The following AIM2 variants were observed in gnomAD, a reference collection of about 807,000 sequenced individuals.
The protein encoded by AIM2 is interferon-inducible protein AIM2.
A neutral mutation model predicts 27.7 loss-of-function variants in AIM2; 30 were observed. The observed-to-expected ratio is 1.08, with a 90% CI of 0.81 to 1.47. The LOEUF (loss-of-function observed/expected upper bound fraction) is 1.47, where lower values mean the gene tolerates loss of function less well. Ranked by LOEUF, AIM2 falls within the 40% of genes most tolerant of loss-of-function variation. The pLI, the probability that AIM2 is intolerant of heterozygous loss-of-function variation, is 0.00. For synonymous variants in AIM2, 141 were observed against 145.3 expected (o/e 0.97, Z 0.21); for missense variants, 358 against 411.3 (o/e 0.87, Z 1.12).
downstream of AIM2, among the ~76,000 whole-genome samples, chr1:159,058,048 A>G (rs552567076): frequency 6.6e-6 from 1 of 152,248 alleles, no homozygotes; most frequent in Admixed American, 6.5e-5. Context: ...GAGTTCTTGG[A>G]CCTGTTAGAA....
chr1:159,128,696 C>T (rs1301957637), intron 1 of AIM2, among the ~76,000 whole-genome samples: 1 of 152,066 alleles, frequency 6.6e-6, no homozygotes, highest in Non-Finnish European at 1.5e-5. Context: ...TGTTTGCACC[C>T]GGGCTGCTAA....
In AIM2 at chr1:159,089,505, C is replaced by G. The variant is rs572621147; in HGVS notation, c.-15-23176G>C. ...GCATGTCACTTGCTTAAAGAAGCCCCTGTGTTGGATTGTTTGTTCAACCCC... is the reference window on the plus strand; with the variant it reads ...GCATGTCACTTGCTTAAAGAAGCCCGTGTGTTGGATTGTTTGTTCAACCCC... On this transcript the variant is annotated intron_variant, in intron 1 of 2. Transcript: ENST00000368129. Among the ~76,000 whole-genome samples, 100 of 152,324 alleles carry G rather than the reference C, an allele frequency of 6.6e-4. 1 individual carries two copies. The highest frequency in any genetic ancestry group is 2.4e-3 in the African/African-American group (99 of 41,572).
rs1485873818 is a variant in AIM2 at position 159,066,278 on chromosome 1, G to C, written c.448C>G (p.Gln150Glu). 3.7e-6 allele frequency: 6 copies of C among 1,614,128 alleles called. No individual in the cohort carries two copies. Among genetic ancestry groups the C allele is most frequent in the Non-Finnish European group, 5.1e-6 (6 of 1,180,022 alleles). ...ACCATAACTGGCAAACAGCGCTTCT[G>C]AAACCCTTCTCTGATAGATTCCTGC... ...AQQESIREGF[Q>E]KRCLPVMVLK... is the part of the protein sequence containing the mutation. The change falls in exon 4 of 6, where the codon CAG becomes GAG. Residue 150 changes from glutamine (Q) to glutamate (E), a missense_variant. By Grantham distance (29) the Gln-to-Glu change is conservative (BLOSUM62 2). Transcript: ENST00000368130.
At chr1:159,065,291 T>C (rs1656033464) in intron 4 of AIM2, among the ~76,000 whole-genome samples, 1 of 152,132 alleles carries the variant, frequency 6.6e-6, no homozygotes, top group Admixed American at 6.5e-5. Flanking sequence ...CCCGCGGCCC[T>C]GTCTGGGAAG....
chr1:159,085,352 C>G (rs551784372), intron 1 of AIM2, among the ~76,000 whole-genome samples: 20 of 152,226 alleles, frequency 1.3e-4, no homozygotes, highest in Non-Finnish European at 1.5e-5. Flanking sequence ...TGACACATGG[C>G]CACTAAAAAC....
chr1:159,065,067 T>C (rs1420101756), intron 4 of AIM2, among the ~76,000 whole-genome samples: 1 of 152,154 alleles, frequency 6.6e-6, no homozygotes, highest in Non-Finnish European at 1.5e-5. Flanking sequence ...CTGGAGAGTC[T>C]TCCTATCAAT....
chr1:159,118,884 T>C (rs1647455198), intron 1 of AIM2, among the ~76,000 whole-genome samples: 1 of 152,140 alleles, frequency 6.6e-6, no homozygotes, highest in South Asian at 2.1e-4. Flanking sequence ...AACGGGTGTA[T>C]TAATCAGTTT....
At position 159,091,223 on chromosome 1, in the gene AIM2, A is replaced by G. The variant is rs185352311; in HGVS notation, c.-15-24894T>C. Among the ~76,000 whole-genome samples, 55 of 152,372 alleles carry G rather than the reference A, an allele frequency of 3.6e-4. No individual in the cohort carries two copies. The East Asian group carries it at 0.01, about 29-fold the overall frequency. ...CAGCTAGAAAAGAGAATGATAGGAT[A>G]AAGGTTACATTTTTTATATTTAGCC... On this transcript the variant is annotated intron_variant, in intron 1 of 2. Coordinates refer to the AIM2 transcript ENST00000368129.
intron 1 of AIM2, among the ~76,000 whole-genome samples, chr1:159,099,436 G>A (rs562488956): frequency 6.6e-6 from 1 of 152,308 alleles, no homozygotes; most frequent in Non-Finnish European, 1.5e-5. Flanking sequence ...GTGAGATTCT[G>A]ACTTGCCCCT....
chr1:159,099,863 C>T lies in AIM2; in HGVS notation c.-15-33534G>A, dbSNP rs566705865. 1.1e-4 allele frequency among the ~76,000 whole-genome samples: 17 copies of T among 151,164 alleles called. No homozygotes were observed. In the South Asian group the frequency reaches 3.6e-3, roughly 32 times the overall value. On this transcript the variant is annotated intron_variant, in intron 1 of 2. Coordinates refer to the AIM2 transcript ENST00000368129. Reference sequence around the variant, plus strand: ...CCCTAGCCTCAAATAATTCCCCCAACTGGGTTTACATTTGCACATTGGCTT... The same window carrying T: ...CCCTAGCCTCAAATAATTCCCCCAATTGGGTTTACATTTGCACATTGGCTT...
chr1:159,142,335 G>C (rs1648128422), upstream of AIM2, among the ~76,000 whole-genome samples: 1 of 152,176 alleles, frequency 6.6e-6, no homozygotes, highest in Admixed American at 6.5e-5. Flanking sequence ...AATTAAGCAT[G>C]GGAGTGAAGA....
At chr1:159,056,055 G>A in the AIM2 span, among the ~76,000 whole-genome samples, 169 of 152,294 alleles carry the variant, frequency 1.1e-3, no homozygotes, top group Non-Finnish European at 1.4e-3. Flanking sequence ...TACTGTTGCA[G>A]GAATTTTCCT....
chr1:159,093,422 C>T (rs1657093171), intron 1 of AIM2, among the ~76,000 whole-genome samples: 3 of 152,108 alleles, frequency 2.0e-5, no homozygotes, highest in Non-Finnish European at 4.4e-5. Context: ...TAGGGAGATA[C>T]AACTTGTTTG....
upstream of AIM2, among the ~76,000 whole-genome samples, chr1:159,145,125 GTGAGTACC>G (rs945826989): frequency 6.6e-6 from 1 of 152,048 alleles, no homozygotes; most frequent in Non-Finnish European, 1.5e-5. Context: ...CTTTCCTCCT[GTGAGTACC>G]TCCCAGGAAG....
At chr1:159,112,551 G>A (rs1034430680) in intron 1 of AIM2, among the ~76,000 whole-genome samples, 8 of 152,110 alleles carry the variant, frequency 5.3e-5, no homozygotes, top group South Asian at 4.1e-4. Flanking sequence ...TATGGAAGTC[G>A]AAGAATACAA....
chr1:159,075,086 T>C (rs988875733), intron 1 of AIM2, among the ~76,000 whole-genome samples: 1 of 152,176 alleles, frequency 6.6e-6, no homozygotes, highest in Non-Finnish European at 1.5e-5. Flanking sequence ...TAAATCAGTA[T>C]GGCAGTGGCG....
intron 1 of AIM2, among the ~76,000 whole-genome samples, chr1:159,093,901 ATT>A (rs71084302): frequency 1.4e-5 from 2 of 143,096 alleles, no homozygotes; most frequent in African/African-American, 2.6e-5. Context: ...ATGCCTGGAT[ATT>A]TTTTTTTTTT....
chr1:159,143,171 C>T (rs780746830), upstream of AIM2, among the ~76,000 whole-genome samples: 1 of 152,178 alleles, frequency 6.6e-6, no homozygotes, highest in Non-Finnish European at 1.5e-5. Context: ...CAACATCTCC[C>T]ACTTCCCTAC....
At chr1:159,062,437 G>T, downstream of AIM2, 11 of 517,806 alleles carry the variant, frequency 2.1e-5, no homozygotes, top group Admixed American at 3.5e-5. Context: ...AAGTATTTTC[G>T]CTTGAGACAA....
Sources: gnomAD v4.1 joint callset for allele counts (sites outside exome capture counted in the v4.1 genomes callset) on GRCh38, gnomAD v4.1.1 for gene constraint, MANE v1.5 for transcripts, NCBI Gene and HGNC (gene_info 2026-07-23, HGNC 2026-07-21) for gene names.